Variants in CA8 observed in about 807,000 individuals in gnomAD.
The protein encoded by CA8 is carbonic anhydrase 8 (inactive).
A neutral mutation model predicts 41.4 loss-of-function variants in CA8; 22 were observed. The observed-to-expected ratio is 0.53, with a 90% CI of 0.38 to 0.76. CA8 has a LOEUF of 0.76. Among genes scored for constraint, CA8 ranks in the 30% least tolerant of loss-of-function variants. The pLI, the probability that CA8 is intolerant of heterozygous loss-of-function variation, is 0.00. For missense variants in CA8, 270 were observed against 352.8 expected, an observed-to-expected ratio of 0.77 and a Z score of 1.88; for synonymous variants, 121 against 130.6, an observed-to-expected ratio of 0.93 and a Z score of 0.50.
intron 7 of CA8, among the ~76,000 whole-genome samples, chr8:60,211,098 A>T (rs913563161): frequency 6.6e-6 from 1 of 152,196 alleles, no homozygotes; most frequent in Non-Finnish European, 1.5e-5. Flanking sequence ...AGATCAAATG[A>T]CTTCACCTCT....
At chr8:60,217,578 C>T (rs1807064206) in intron 7 of CA8, among the ~76,000 whole-genome samples, 1 of 152,206 alleles carries the variant, frequency 6.6e-6, no homozygotes, top group African/African-American at 2.4e-5. Context: ...AACAGCTTCA[C>T]CCACCACCTG....
intron 3 of CA8, among the ~76,000 whole-genome samples, chr8:60,262,796 T>C (rs1462190108): frequency 1.3e-5 from 2 of 152,236 alleles, no homozygotes; most frequent in Admixed American, 6.5e-5. Flanking sequence ...GATGAGAGCA[T>C]GATAAGCAGT....
chr8:60,217,392 CCTT>C (rs779806620), intron 7 of CA8, among the ~76,000 whole-genome samples: 1 of 152,142 alleles, frequency 6.6e-6, no homozygotes, highest in Non-Finnish European at 1.5e-5. Context: ...TCTCTCCACT[CCTT>C]CTTGAAACTT....
intron 2 of CA8, among the ~76,000 whole-genome samples, chr8:60,266,484 G>C (rs1026924368): frequency 3.9e-5 from 6 of 152,130 alleles, no homozygotes; most frequent in African/African-American, 9.7e-5. Context: ...GTACTAGAAG[G>C]CTTCCAATTT....
At chr8:60,210,760 C>G (rs181609108) in intron 7 of CA8, among the ~76,000 whole-genome samples, 490 of 152,184 alleles carry the variant, frequency 3.2e-3, no homozygotes, top group Non-Finnish European at 3.7e-3. Context: ...TACCTATATG[C>G]TGTATTTACA....
intron 8 of CA8, among the ~76,000 whole-genome samples, chr8:60,190,905 A>ATGTATC (rs1336849965): frequency 6.8e-6 from 1 of 147,670 alleles, no homozygotes; most frequent in Admixed American, 6.8e-5. Flanking sequence ...TATAGTATAT[A>ATGTATC]TGTATCTGTG....
At chr8:60,271,956 G>A (rs1166477239) in intron 2 of CA8, among the ~76,000 whole-genome samples, 1 of 152,156 alleles carries the variant, frequency 6.6e-6, no homozygotes, top group Non-Finnish European at 1.5e-5. Context: ...GATACATGTG[G>A]CAGCCTTAAT....
chr8:60,199,833 A>G (rs374949453), intron 8 of CA8, among the ~76,000 whole-genome samples: 1 of 152,230 alleles, frequency 6.6e-6, no homozygotes, highest in Non-Finnish European at 1.5e-5. Flanking sequence ...AGGCCAATCT[A>G]TATGTACCAA....
At chr8:60,239,277 T>C (rs1374476390) in intron 3 of CA8, among the ~76,000 whole-genome samples, 2 of 152,042 alleles carry the variant, frequency 1.3e-5, no homozygotes, top group Non-Finnish European at 2.9e-5. Context: ...CAGTTTTAGA[T>C]AGGAGTGTAA....
At chr8:60,271,001 A>C (rs191676733) in intron 2 of CA8, among the ~76,000 whole-genome samples, 30 of 152,302 alleles carry the variant, frequency 2.0e-4, no homozygotes, top group Admixed American at 6.5e-4. Context: ...AGATGACAGG[A>C]ACTAACCAGG....
At chr8:60,265,712 T>C (rs762173612) in intron 3 of CA8, 2 of 562,866 alleles carry the variant, frequency 3.6e-6, no homozygotes, top group East Asian at 6.1e-5. Flanking sequence ...TTTCTGGCCA[T>C]GTGCTCATGC....
At chr8:60,267,503 T>C (rs1204048591) in intron 2 of CA8, among the ~76,000 whole-genome samples, 1 of 152,204 alleles carries the variant, frequency 6.6e-6, no homozygotes, top group East Asian at 1.9e-4. Flanking sequence ...TTAGTGTTTG[T>C]CCTCATGCTT....
chr8:60,270,451 T>C (rs1194131146), intron 2 of CA8, among the ~76,000 whole-genome samples: 2 of 152,348 alleles, frequency 1.3e-5, no homozygotes, highest in East Asian at 3.9e-4. Flanking sequence ...AGTCTTGCTC[T>C]GTCATCCAGG....
At chr8:60,263,858 C>T (rs7832419) in intron 3 of CA8, among the ~76,000 whole-genome samples, 76,855 of 151,942 alleles carry the variant, frequency 0.51, 21,457 homozygotes, top group African/African-American at 0.77. Flanking sequence ...TGCATAACCA[C>T]AGCATTTATG....
intron 8 of CA8, among the ~76,000 whole-genome samples, chr8:60,196,486 CCAA>C (rs965362456): frequency 6.6e-6 from 1 of 152,016 alleles, no homozygotes; most frequent in Non-Finnish European, 1.5e-5. Context: ...ACTCCAGAGA[CCAA>C]ATATGCAAGT....
intron 3 of CA8, among the ~76,000 whole-genome samples, chr8:60,239,950 C>T (rs954198649): frequency 6.6e-6 from 1 of 152,216 alleles, no homozygotes; most frequent in African/African-American, 2.4e-5. Flanking sequence ...GTCCAGTAAA[C>T]CTCTTTTTCT....
At chr8:60,228,126 A>G (rs1008004250) in intron 4 of CA8, among the ~76,000 whole-genome samples, 20 of 152,244 alleles carry the variant, frequency 1.3e-4, no homozygotes, top group Admixed American at 3.3e-4. Flanking sequence ...ATGAAAGAGC[A>G]TCCAAAGGGA....
At chr8:60,255,314 T>C (rs1808594352) in intron 3 of CA8, among the ~76,000 whole-genome samples, 1 of 145,280 alleles carries the variant, frequency 6.9e-6, no homozygotes, top group African/African-American at 2.5e-5. Context: ...AATTAAGCTA[T>C]GTCTCCAGTA....
At chr8:60,224,925 G>A (rs910947114) in intron 5 of CA8, among the ~76,000 whole-genome samples, 2 of 151,938 alleles carry the variant, frequency 1.3e-5, no homozygotes, top group African/African-American at 4.8e-5. Context: ...ATTGTAAAAT[G>A]CCTGAACCCT....
Sources: allele counts gnomAD v4.1 joint callset (sites outside exome capture counted in the v4.1 genomes callset), GRCh38; gene constraint gnomAD v4.1.1; transcripts MANE v1.5; gene names NCBI Gene and HGNC (gene_info 2026-07-23, HGNC 2026-07-21).